PXDNL: variants seen among roughly 807,000 people sequenced by gnomAD.
The protein encoded by PXDNL is probable oxidoreductase PXDNL.
In PXDNL, 145 loss-of-function variants were observed where a neutral mutation model predicts 150.8. That is an observed-to-expected ratio of 0.96 (90% CI 0.84 to 1.10). The LOEUF (loss-of-function observed/expected upper bound fraction) is 1.10. Among genes scored for constraint, PXDNL ranks in the 50% least tolerant of loss-of-function variants. The pLI is 0.00. For synonymous variants in PXDNL, 757 were observed against 725.7 expected, an observed-to-expected ratio of 1.04 and a Z score of -0.69; for missense variants, 2,087 against 1,873.9, an observed-to-expected ratio of 1.11 and a Z score of -2.10.
chr8:51,730,698 TG>T lies in PXDNL; in HGVS notation c.165-75939del, dbSNP rs1816900588. Among the ~76,000 whole-genome samples, 9 of 152,212 alleles carry T rather than the reference TG, an allele frequency of 5.9e-5. No homozygotes were observed. In the South Asian group the frequency reaches 1.9e-3, roughly 32 times the overall value. Reference sequence around the variant, plus strand: ...TGTTAATAAAAACATACCCCAAGACTGGGTAATTGTTAAAGGAAAGAGGTTT... The same window carrying T: ...TGTTAATAAAAACATACCCCAAGACTGGTAATTGTTAAAGGAAAGAGGTTT... On this transcript the variant is annotated intron_variant, in intron 1 of 22. Transcript: ENST00000356297.
intron 19 of PXDNL, among the ~76,000 whole-genome samples, chr8:51,358,968 C>T (rs968447167): frequency 3.3e-5 from 5 of 152,156 alleles, no homozygotes; most frequent in Admixed American, 6.5e-5. Context: ...GATTTCTGGC[C>T]GAGAGCTTCT....
At chr8:51,511,747 G>A (rs1811425169) in intron 4 of PXDNL, among the ~76,000 whole-genome samples, 3 of 152,170 alleles carry the variant, frequency 2.0e-5, no homozygotes, top group African/African-American at 7.2e-5. Flanking sequence ...CCCCTTTCTA[G>A]GGAGAAGTGC....
intron 2 of PXDNL, among the ~76,000 whole-genome samples, chr8:51,639,680 G>C (rs1433836158): frequency 2.6e-5 from 4 of 152,048 alleles, no homozygotes; most frequent in Admixed American, 1.3e-4. Flanking sequence ...GAATAGACCA[G>C]TAACAGGAGC....
intron 4 of PXDNL, among the ~76,000 whole-genome samples, chr8:51,509,851 A>C (rs552481182): frequency 1.3e-5 from 2 of 151,620 alleles, no homozygotes; most frequent in East Asian, 3.9e-4. Flanking sequence ...AATATTTGCC[A>C]AAAACTTGCA....
intron 1 of PXDNL, among the ~76,000 whole-genome samples, chr8:51,727,967 TTAAAAG>T (rs1309312424): frequency 6.6e-6 from 1 of 152,226 alleles, no homozygotes; most frequent in African/African-American, 2.4e-5. Flanking sequence ...AAAAGAAAAG[TTAAAAG>T]TAAAATTTTG....
chr8:51,552,630 G>A (rs1812517404), intron 4 of PXDNL, among the ~76,000 whole-genome samples: 1 of 152,138 alleles, frequency 6.6e-6, no homozygotes, highest in Admixed American at 6.5e-5. Flanking sequence ...TAAGCTATGA[G>A]GATGCAAAGG....
chr8:51,770,563 C>T (rs1376545155), intron 1 of PXDNL, among the ~76,000 whole-genome samples: 1 of 152,178 alleles, frequency 6.6e-6, no homozygotes, highest in Non-Finnish European at 1.5e-5. Context: ...TTTATATAAT[C>T]CTTTCCATGT....
chr8:51,705,807 C>CTGTGTGTGTG (rs71550283), intron 1 of PXDNL, among the ~76,000 whole-genome samples: 44 of 143,394 alleles, frequency 3.1e-4, no homozygotes, highest in African/African-American at 1.0e-3. Flanking sequence ...GGTGAAAACA[C>CTGTGTGTGTG]TGTGTGTGTG....
At chr8:51,360,667 A>G (rs1806705457) in intron 19 of PXDNL, among the ~76,000 whole-genome samples, 1 of 152,224 alleles carries the variant, frequency 6.6e-6, no homozygotes, top group Admixed American at 6.5e-5. Context: ...GTTTTTCCAG[A>G]CATAGTGAAC....
Position 51,345,861 on chromosome 8 carries a change from C to T in PXDNL, c.3988G>A (p.Asp1330Asn). The stretch of plus-strand genomic sequence containing the variant: ...CTTCTTAGATGACTTAACTCCATAT[C>T]CTTATCAACAGGATAGCTGTATTGA... ...SAQYSYPVDK[D>N]MELSHLRSRQ... The change falls in exon 20 of 23, where the codon GAT (aspartate) becomes AAT (asparagine). Residue 1330 changes from aspartate (D) to asparagine (N), a missense_variant. Asp to Asn is a conservative substitution (Grantham distance 23). Coordinates refer to ENST00000356297, the MANE Select transcript of PXDNL (RefSeq NM_144651.5). The T allele has an allele frequency of 6.2e-7, 1 of 1,612,568 alleles. No homozygotes were observed. Among genetic ancestry groups the T allele is most frequent in the Non-Finnish European group, 8.5e-7 (1 of 1,178,612 alleles).
At chr8:51,356,575 T>C (rs1050761456) in intron 19 of PXDNL, among the ~76,000 whole-genome samples, 24 of 152,050 alleles carry the variant, frequency 1.6e-4, no homozygotes, top group Admixed American at 1.3e-4. Flanking sequence ...TGAAATGTTC[T>C]GTAAAGTATG....
chr8:51,424,539 T>TAC (rs1317820953), intron 13 of PXDNL, among the ~76,000 whole-genome samples: 8 of 149,338 alleles, frequency 5.4e-5, no homozygotes, highest in African/African-American at 2.0e-4. Flanking sequence ...TATATATATA[T>TAC]ACACAATTAA....
At chr8:51,333,360 C>G (rs1805744052) in intron 21 of PXDNL, among the ~76,000 whole-genome samples, 1 of 152,120 alleles carries the variant, frequency 6.6e-6, no homozygotes, top group African/African-American at 2.4e-5. Flanking sequence ...CAAATCCTGG[C>G]AACACATCAA....
chr8:51,485,934 A>T (rs1305028490), intron 5 of PXDNL, among the ~76,000 whole-genome samples: 1 of 152,224 alleles, frequency 6.6e-6, no homozygotes, highest in Non-Finnish European at 1.5e-5. Context: ...ACAGAGTTTC[A>T]TGATGGAGAA....
At chr8:51,509,479 T>A (rs2979123) in intron 4 of PXDNL, among the ~76,000 whole-genome samples, 3,435 of 152,092 alleles carry the variant, frequency 0.023, 50 homozygotes, top group Middle Eastern at 0.044. Context: ...TCCAGCCACA[T>A]CAGCATTCAA....
chr8:51,690,740 G>A (rs1405783880), intron 1 of PXDNL, among the ~76,000 whole-genome samples: 2 of 151,120 alleles, frequency 1.3e-5, no homozygotes, highest in African/African-American at 2.4e-5. Flanking sequence ...CTGAGGAATC[G>A]CCACACTGAC....
intron 17 of PXDNL, among the ~76,000 whole-genome samples, chr8:51,397,862 G>A (rs550792242): frequency 3.3e-5 from 5 of 151,910 alleles, no homozygotes; most frequent in South Asian, 2.1e-4. Context: ...CCATTAACTC[G>A]TCTTTTAGCA....
In PXDNL at chr8:51,457,537, T is replaced by A; in HGVS notation, c.943A>T (p.Lys315Ter). Reference protein sequence around the residue: ...CMARNSAGEAKTQSAMLRYSS... With the variant: ...CMARNSAGEA ...TATCTGAGCATGGCACTCTGTGTCT[T>A]GGCTTCCCCAGCGGAATTTCTGGCC... Residue 315 changes from lysine (K) to a stop codon, truncating the protein, a stop_gained, in exon 9 of 23, where the codon AAG becomes TAG. Transcript: ENST00000356297. LOFTEE classifies it high-confidence loss of function. 1 of 1,613,716 alleles carries A rather than the reference T, an allele frequency of 6.2e-7. No individual in the cohort carries two copies. Among genetic ancestry groups the A allele is most frequent in the African/African-American group, 1.3e-5 (1 of 75,004 alleles).
chr8:51,773,727 T>C (rs1431757595), intron 1 of PXDNL, among the ~76,000 whole-genome samples: 1 of 152,240 alleles, frequency 6.6e-6, no homozygotes, highest in Non-Finnish European at 1.5e-5. Context: ...AGTTTAACAT[T>C]CTGCTAAGAA....
Sources: gnomAD v4.1 joint callset for allele counts (sites outside exome capture counted in the v4.1 genomes callset) on GRCh38, gnomAD v4.1.1 for gene constraint, MANE v1.5 for transcripts, NCBI Gene and HGNC (gene_info 2026-07-23, HGNC 2026-07-21) for gene names.